BOD1L1: variants seen among roughly 807,000 people sequenced by gnomAD.
BOD1L1 encodes biorientation of chromosomes in cell division 1 like 1.
A neutral mutation model predicts 240.7 loss-of-function variants in BOD1L1; 86 were observed. The observed-to-expected ratio is 0.36, with a 90% CI of 0.30 to 0.43. The LOEUF (loss-of-function observed/expected upper bound fraction) is 0.43. Ranked by LOEUF, BOD1L1 falls within the 20% of genes least tolerant of loss-of-function variation. BOD1L1 has a pLI of 1.00. For synonymous variants in BOD1L1, 1,268 were observed against 1,272.3 expected (o/e 1.00, Z 0.07); for missense variants, 3,554 against 3,643.5 (o/e 0.98, Z 0.63).
At chr4:13,610,671 T>G (rs950931782) in intron 6 of BOD1L1, among the ~76,000 whole-genome samples, 1 of 152,242 alleles carries the variant, frequency 6.6e-6, no homozygotes, top group Non-Finnish European at 1.5e-5. Flanking sequence ...TATGCGAATA[T>G]TCCAAATTGT....
chr4:13,594,085 T>C (rs1405969920), intron 12 of BOD1L1, among the ~76,000 whole-genome samples: 1 of 152,232 alleles, frequency 6.6e-6, no homozygotes, highest in Non-Finnish European at 1.5e-5. Context: ...AAATGGAGTT[T>C]CTACTAGATG....
chr4:13,624,950 T>C (rs902192476), intron 1 of BOD1L1: 2 of 152,236 alleles, frequency 1.3e-5, no homozygotes, highest in Admixed American at 6.5e-5. Flanking sequence ...GTTCTTTGCA[T>C]GAACAGGGAA....
chr4:13,614,471 AAATT>A lies in BOD1L1; in HGVS notation c.895_898del (p.Asn299Ter). On this transcript the variant is annotated frameshift_variant, in exon 4 of 26. Coordinates refer to ENST00000040738, the MANE Select transcript of BOD1L1 (RefSeq NM_148894.3). LOFTEE classifies it high-confidence loss of function. ...TTGAACATCCTTATTTAGCAGAATT[AAATT>A]ATTATGCTCTTTTGTGTAATTTTTA... 6.2e-7 allele frequency: 1 copy of A among 1,613,460 alleles called. No individual in the cohort carries two copies. The highest frequency in any genetic ancestry group is 8.5e-7 in the Non-Finnish European group (1 of 1,179,776).
Position 13,602,096 on chromosome 4 carries a change from C to G in BOD1L1, c.4804G>C (p.Glu1602Gln). ...GGAVVTEGFAESETFLTSTKE... is the reference protein window; with the variant it reads ...GGAVVTEGFAQSETFLTSTKE... ...GTGCTTGTGAGGAAGGTTTCACTTTCAGCAAATCCCTCTGTGACAACAGCC... is the reference window on the plus strand; with the variant it reads ...GTGCTTGTGAGGAAGGTTTCACTTTGAGCAAATCCCTCTGTGACAACAGCC... Residue 1602 changes from glutamate (E) to glutamine (Q), a missense_variant, in exon 10 of 26, where the codon GAA (glutamate) becomes CAA (glutamine). Physicochemically the swap from Glu to Gln is conservative, Grantham distance 29. Transcript: ENST00000040738. The G allele has an allele frequency of 6.2e-7, 1 of 1,614,042 alleles. No homozygotes were observed. Among genetic ancestry groups the G allele is most frequent in the South Asian group, 1.1e-5 (1 of 91,082 alleles).
chr4:13,614,912 C>G, intron 3 of BOD1L1, 102 bp from the exon 4 acceptor site: 9 of 1,197,364 alleles, frequency 7.5e-6, no homozygotes, highest in Non-Finnish European at 1.0e-5. Context: ...GATGCATATG[C>G]TGTGCAGACC....
intron 2 of BOD1L1, among the ~76,000 whole-genome samples, chr4:13,619,440 A>T (rs1317641788): frequency 1.3e-5 from 2 of 151,694 alleles, no homozygotes; most frequent in East Asian, 3.9e-4. Context: ...CTTTGAGGGG[A>T]GGTGGGGAGC....
intron 17 of BOD1L1, among the ~76,000 whole-genome samples, chr4:13,583,376 T>C (rs1027875745): frequency 6.6e-5 from 10 of 152,364 alleles, no homozygotes; most frequent in South Asian, 4.1e-4. Flanking sequence ...TTGTAAATCC[T>C]CATTTCTATT....
chr4:13,572,755 T>C, intron 25 of BOD1L1: 13 of 1,289,856 alleles, frequency 1.0e-5, no homozygotes, highest in Non-Finnish European at 1.3e-5. Flanking sequence ...ACTTCTCTTT[T>C]GCTAATTTTT....
chr4:13,572,839 C>T, intron 25 of BOD1L1: 10 of 1,289,644 alleles, frequency 7.8e-6, no homozygotes, highest in Non-Finnish European at 1.0e-5. Flanking sequence ...TGCTATGTTG[C>T]TTTCTGAAAC....
chr4:13,576,345 T>A (rs1043980429), intron 25 of BOD1L1, among the ~76,000 whole-genome samples: 1 of 152,172 alleles, frequency 6.6e-6, no homozygotes, highest in Non-Finnish European at 1.5e-5. Context: ...GAACACATTT[T>A]GGGAAATATA....
chr4:13,576,729 C>T, intron 25 of BOD1L1, 109 bp downstream of exon 25: 4 of 1,336,348 alleles, frequency 3.0e-6, no homozygotes, highest in Non-Finnish European at 4.1e-6. Flanking sequence ...GAAGAACTTC[C>T]ACTGCAGCAT....
chr4:13,627,303 TC>T, intron 1 of BOD1L1, 41 bp downstream of exon 1: 1 of 1,161,478 alleles, frequency 8.6e-7, no homozygotes, highest in Non-Finnish European at 1.1e-6. Flanking sequence ...CCTTGGGTCC[TC>T]CCCTTCCCTC....
intron 25 of BOD1L1, among the ~76,000 whole-genome samples, chr4:13,571,352 C>T (rs551976636): frequency 1.1e-4 from 17 of 152,128 alleles, no homozygotes; most frequent in Non-Finnish European, 2.1e-4. Flanking sequence ...ACACGTCTTC[C>T]GTTTCTTGTT....
At chr4:13,622,461 T>C (rs1438893171) in intron 1 of BOD1L1, among the ~76,000 whole-genome samples, 2 of 152,192 alleles carry the variant, frequency 1.3e-5, no homozygotes, top group African/African-American at 4.8e-5. Flanking sequence ...CACACACACA[T>C]ATATTACACA....
rs893046100 is a variant in BOD1L1 at position 13,603,721 on chromosome 4, G to T, written c.3179C>A (p.Ser1060Ter). 2 of 1,613,884 alleles carry T rather than the reference G, an allele frequency of 1.2e-6. No individual in the cohort carries two copies. Among genetic ancestry groups the T allele is most frequent in the Non-Finnish European group, 1.7e-6 (2 of 1,179,858 alleles). ...SSHEKARGNS[S>*]LMEKKLSRRL... is the part of the protein sequence containing the mutation. ...TCTACTTAATTTCTTTTCCATGAGT[G>T]AACTATTACCTCTGGCCTTTTCATG... Residue 1060 changes from serine (S) to a stop codon, truncating the protein, a stop_gained, in exon 10 of 26, where the codon TCA becomes TAA. Coordinates refer to ENST00000040738, the MANE Select transcript of BOD1L1 (RefSeq NM_148894.3). LOFTEE classifies it high-confidence loss of function.
At chr4:13,618,091 C>T (rs1716753412) in intron 2 of BOD1L1, among the ~76,000 whole-genome samples, 1 of 152,290 alleles carries the variant, frequency 6.6e-6, no homozygotes, top group Non-Finnish European at 1.5e-5. Flanking sequence ...CTTACTGGTA[C>T]AGCAATAATT....
chr4:13,615,292 C>T lies in BOD1L1; in HGVS notation c.559+20G>A. 1 of 1,578,458 alleles carries T rather than the reference C, an allele frequency of 6.3e-7. No individual in the cohort carries two copies. The highest frequency in any genetic ancestry group is 8.6e-7 in the Non-Finnish European group (1 of 1,160,510). ...CAAGAAGAAAAACAATGGAACTGACCAAGAGTAAAAGCAAAGCACCTTGTG... is the reference window on the plus strand; with the variant it reads ...CAAGAAGAAAAACAATGGAACTGACTAAGAGTAAAAGCAAAGCACCTTGTG... On this transcript the variant is annotated intron_variant, in intron 3 of 25. Transcript: ENST00000040738.
At position 13,599,033 on chromosome 4, in the gene BOD1L1, C is replaced by T. The variant is rs1304977310; in HGVS notation, c.7867G>A (p.Gly2623Arg). ...GATTTCCTTGTGCTGTTATCATCTC[C>T]TGTTTTCTCAGCAGATGCTTGATCA... ...WTDQASAEKT[G>R]DDNSTRKSFP... The change falls in exon 10 of 26, where the codon GGA becomes AGA. Residue 2623 changes from glycine to arginine, a missense_variant. Coordinates refer to ENST00000040738, the MANE Select transcript of BOD1L1 (RefSeq NM_148894.3). 6.2e-7 allele frequency: 1 copy of T among 1,613,862 alleles called. No individual in the cohort carries two copies. Among genetic ancestry groups the T allele is most frequent in the Non-Finnish European group, 8.5e-7 (1 of 1,179,880 alleles).
chr4:13,607,137 C>T lies in BOD1L1; in HGVS notation c.1795G>A (p.Glu599Lys). ...CATACCTCACTTGTTTTAAGGGTTT[C>T]TTTGGAATCTTCTTCATATTGCTGT... ...KKQQYEEDSK[E>K]TLKTSEHCEK... Residue 599 changes from glutamate to lysine, a missense_variant, in exon 9 of 26, where the codon GAA (glutamate) becomes AAA (lysine). By Grantham distance (56) the Glu-to-Lys change is moderately conservative. Transcript: ENST00000040738. 6.4e-7 allele frequency: 1 copy of T among 1,570,798 alleles called. No individual in the cohort carries two copies. The highest frequency in any genetic ancestry group is 8.6e-7 in the Non-Finnish European group (1 of 1,158,176).
Sources: gnomAD v4.1 joint callset for allele counts (sites outside exome capture counted in the v4.1 genomes callset) on GRCh38, gnomAD v4.1.1 for gene constraint, MANE v1.5 for transcripts, NCBI Gene and HGNC (gene_info 2026-07-23, HGNC 2026-07-21) for gene names.